MEF2A: variants seen among roughly 807,000 people sequenced by gnomAD.
MEF2A encodes myocyte enhancer factor 2A.
In MEF2A, 28 loss-of-function variants were observed where a neutral mutation model predicts 55.8. That is an observed-to-expected ratio of 0.50 (90% CI 0.37 to 0.69). The LOEUF is 0.69. MEF2A is among the 30% of genes least tolerant of loss of function. The pLI, the probability that MEF2A is intolerant of heterozygous loss-of-function variation, is 0.00. For synonymous variants in MEF2A, 239 were observed against 227.1 expected (o/e 1.05, Z -0.47); for missense variants, 528 against 626.2 (o/e 0.84, Z 1.67).
chr15:99,595,742 G>A (rs1327590156), intron 1 of MEF2A, among the ~76,000 whole-genome samples: 1 of 152,192 alleles, frequency 6.6e-6, no homozygotes, highest in African/African-American at 2.4e-5. Flanking sequence ...TACTGAAGAT[G>A]GCGTCACAGA....
Position 99,639,514 on chromosome 15 carries a change from T to C in MEF2A, c.55-6047T>C, listed in dbSNP as rs78510421. ...AACTATGTTGTTTCTAATTTTTTAC[T>C]GTTATAAATGGTGTTGCAGTATACA... On this transcript the variant is annotated intron_variant, in intron 3 of 11. Coordinates refer to ENST00000557942, the MANE Select transcript of MEF2A (RefSeq NM_001319206.4). Among the ~76,000 whole-genome samples the C allele has an allele frequency of 8.5e-3, 1,302 of 152,322 alleles. 24 individuals carry two copies. Among genetic ancestry groups the C allele is most frequent in the African/African-American group, 0.029 (1,221 of 41,562 alleles).
In MEF2A at chr15:99,710,721, A is replaced by G; in HGVS notation, c.1097A>G (p.Gln366Arg). The change falls in exon 11 of 12, where the codon CAG becomes CGG. Residue 366 changes from glutamine to arginine, a missense_variant. By Grantham distance (43) the Gln-to-Arg change is conservative (BLOSUM62 1). Coordinates refer to ENST00000557942, the MANE Select transcript of MEF2A (RefSeq NM_001319206.4). ...TCGCTGGGACAGGTGTCGGCCTGGC[A>G]GCAGCACCACCTAGGACAAGCAGCC... is the stretch of plus-strand genomic sequence containing the variant. ...MLSLGQVSAWQQHHLGQAALS... is the reference protein window; with the variant it reads ...MLSLGQVSAWRQHHLGQAALS... 2 of 1,613,206 alleles carry G rather than the reference A, an allele frequency of 1.2e-6. No individual in the cohort carries two copies. Among genetic ancestry groups the G allele is most frequent in the Non-Finnish European group, 1.7e-6 (2 of 1,179,192 alleles).
At chr15:99,632,790 A>G (rs2043151838) in intron 2 of MEF2A, among the ~76,000 whole-genome samples, 188 bp from the exon 3 acceptor site, 1 of 152,236 alleles carries the variant, frequency 6.6e-6, no homozygotes, top group South Asian at 2.1e-4. Flanking sequence ...CTAGAGACAC[A>G]AAGAGATTCA....
At chr15:99,679,620 A>G (rs1047081850) in intron 7 of MEF2A, among the ~76,000 whole-genome samples, 2 of 152,216 alleles carry the variant, frequency 1.3e-5, no homozygotes, top group Non-Finnish European at 2.9e-5. Flanking sequence ...GGACTCTCGG[A>G]ATATTTTAGG....
chr15:99,650,543 GAC>G (rs765176040), intron 4 of MEF2A, among the ~76,000 whole-genome samples: 4 of 152,136 alleles, frequency 2.6e-5, no homozygotes, highest in Non-Finnish European at 4.4e-5. Flanking sequence ...AGGCAATGGA[GAC>G]ACAGTGATAA....
At chr15:99,631,378 T>C (rs2042916169) in intron 2 of MEF2A, among the ~76,000 whole-genome samples, 1 of 152,148 alleles carries the variant, frequency 6.6e-6, no homozygotes, top group Non-Finnish European at 1.5e-5. Context: ...GCCCCACGAG[T>C]GACTAGCCAT....
chr15:99,645,922 G>A (rs370952442), intron 4 of MEF2A, 158 bp downstream of exon 4: 68 of 536,528 alleles, frequency 1.3e-4, no homozygotes, highest in East Asian at 5.9e-4. Context: ...GCTGTATGGC[G>A]ACTCACTTGT....
intron 2 of MEF2A, among the ~76,000 whole-genome samples, chr15:99,611,617 T>A (rs1212616277): frequency 3.9e-5 from 6 of 152,220 alleles, no homozygotes; most frequent in Non-Finnish European, 7.3e-5. Context: ...GTCTGGCAGT[T>A]CCTCCAAAAG....
intron 3 of MEF2A, among the ~76,000 whole-genome samples, chr15:99,641,970 T>A (rs2045069407): frequency 6.6e-6 from 1 of 152,016 alleles, no homozygotes; most frequent in African/African-American, 2.4e-5. Flanking sequence ...AGATGACTGG[T>A]TTTTTTTGTT....
chr15:99,699,283 A>G (rs2057005168), intron 8 of MEF2A, among the ~76,000 whole-genome samples: 1 of 152,236 alleles, frequency 6.6e-6, no homozygotes, highest in Non-Finnish European at 1.5e-5. Context: ...ACCCAGCAAT[A>G]CAGATGAATC....
At chr15:99,680,841 T>C (rs2053106675) in intron 7 of MEF2A, among the ~76,000 whole-genome samples, 1 of 152,228 alleles carries the variant, frequency 6.6e-6, no homozygotes, top group Non-Finnish European at 1.5e-5. Context: ...TACAGTTACC[T>C]CTACAGTCAT....
At chr15:99,665,627 TATC>T (rs1463519732) in intron 4 of MEF2A, among the ~76,000 whole-genome samples, 8 of 149,400 alleles carry the variant, frequency 5.4e-5, no homozygotes, top group Non-Finnish European at 1.2e-4. Context: ...AAAGAAACTT[TATC>T]ATCAGAATGA....
At chr15:99,706,668 T>C (rs555766623) in intron 9 of MEF2A, 61 bp from the exon 10 acceptor site, 1 of 1,571,970 alleles carries the variant, frequency 6.4e-7, no homozygotes, top group African/African-American at 1.3e-5. Flanking sequence ...AAATTGAAAG[T>C]GATTTTTAAG....
intron 8 of MEF2A, among the ~76,000 whole-genome samples, chr15:99,694,113 T>C (rs1036512982): frequency 6.6e-6 from 1 of 152,240 alleles, no homozygotes; most frequent in South Asian, 2.1e-4. Context: ...TTAGCAATCA[T>C]GTCTCTTTAG....
intron 4 of MEF2A, among the ~76,000 whole-genome samples, chr15:99,649,483 A>AT (rs2046495526): frequency 1.3e-5 from 2 of 152,152 alleles, no homozygotes; most frequent in Admixed American, 6.5e-5. Context: ...AAAAACACAC[A>AT]TTTTATCTTT....
intron 1 of MEF2A, among the ~76,000 whole-genome samples, chr15:99,571,342 TTA>T (rs1401700717): frequency 6.6e-6 from 1 of 152,222 alleles, no homozygotes; most frequent in Non-Finnish European, 1.5e-5. Flanking sequence ...AATTATAACA[TTA>T]TTTCATACAG....
At chr15:99,696,909 A>G (rs2056556498) in intron 8 of MEF2A, among the ~76,000 whole-genome samples, 1 of 152,212 alleles carries the variant, frequency 6.6e-6, no homozygotes, top group Admixed American at 6.5e-5. Flanking sequence ...AATCCTCAGT[A>G]AAAAGTAAGT....
intron 4 of MEF2A, among the ~76,000 whole-genome samples, chr15:99,664,349 A>G (rs1440239961): frequency 6.6e-6 from 1 of 152,228 alleles, no homozygotes; most frequent in East Asian, 1.9e-4. Flanking sequence ...GGCTTCCTGA[A>G]GGCCGGACAC....
intron 1 of MEF2A, among the ~76,000 whole-genome samples, chr15:99,583,562 C>G (rs1232896364): frequency 6.6e-6 from 1 of 152,056 alleles, no homozygotes; most frequent in Non-Finnish European, 1.5e-5. Flanking sequence ...GGATTCCAGT[C>G]ACCATATGCC....
Sources: gnomAD v4.1 joint callset for allele counts (sites outside exome capture counted in the v4.1 genomes callset) on GRCh38, gnomAD v4.1.1 for gene constraint, MANE v1.5 for transcripts, NCBI Gene and HGNC (gene_info 2026-07-23, HGNC 2026-07-21) for gene names.